UGT1A7: variants seen among roughly 807,000 people sequenced by gnomAD.
UGT1A7 encodes UDP-glucuronosyltransferase 1A7.
Under a neutral mutation model 45.6 loss-of-function variants are expected in UGT1A7, and 33 were observed. The observed-to-expected ratio is 0.72, with a 90% CI of 0.55 to 0.97. The LOEUF (loss-of-function observed/expected upper bound fraction) is 0.97, where lower values mean the gene tolerates loss of function less well. Among genes scored for constraint, UGT1A7 ranks in the 50% least tolerant of loss-of-function variants. The pLI is 0.00. For missense variants in UGT1A7, 684 were observed against 666.2 expected, an observed-to-expected ratio of 1.03 and a Z score of -0.29; for synonymous variants, 274 against 250.6, an observed-to-expected ratio of 1.09 and a Z score of -0.88.
chr2:233,728,977 G>T, intron 1 of UGT1A7: 2 of 1,494,572 alleles, frequency 1.3e-6, no homozygotes, highest in African/African-American at 2.8e-5. Context: ...ATAGATTAAT[G>T]GTTAATAATT....
intron 1 of UGT1A7, among the ~76,000 whole-genome samples, chr2:233,695,422 CCTT>C (rs34487948): frequency 0.29 from 43,778 of 150,946 alleles, 6,669 homozygotes; most frequent in South Asian, 0.38. Context: ...CCGCGCCCGG[CCTT>C]CTTCTTCTTC....
In UGT1A7 at chr2:233,768,425, C is replaced by T. The variant is rs1021872145; in HGVS notation, c.1281C>T (p.Val427=). Residue 427 remains valine, a synonymous_variant, in exon 4 of 5, where the codon GTC becomes GTT. Transcript: ENST00000373426. The part of the protein sequence containing the change: ...SEDLENALKA[V]INDKSYKENI... ...ATTTAGAAAATGCTCTAAAAGCAGT[C>T]ATCAATGACAAAAGGTAAGAAAGAA... 1.2e-6 allele frequency: 2 copies of T among 1,613,876 alleles called. No homozygotes were observed. The highest frequency in any genetic ancestry group is 1.7e-5 in the Admixed American group (1 of 59,984).
At chr2:233,748,187 T>C (rs919383057) in intron 1 of UGT1A7, 2 of 1,565,066 alleles carry the variant, frequency 1.3e-6, no homozygotes, top group African/African-American at 2.7e-5. Flanking sequence ...GGTGCTTTTA[T>C]TTCTGCTTGT....
At chr2:233,716,595 T>G (rs185923790) in intron 1 of UGT1A7, among the ~76,000 whole-genome samples, 46 of 152,352 alleles carry the variant, frequency 3.0e-4, no homozygotes, top group African/African-American at 1.1e-3. Context: ...GAGCAAAAAT[T>G]TTAGAATTTG....
chr2:233,682,815 C>A (rs1223109916), intron 1 of UGT1A7, 23 bp downstream of exon 1: 3 of 1,581,138 alleles, frequency 1.9e-6, no homozygotes, highest in Admixed American at 3.7e-5. Context: ...CCCTTTAGCA[C>A]ATTAAGAATA....
At chr2:233,742,375 GC>G (rs1691959490) in intron 1 of UGT1A7, among the ~76,000 whole-genome samples, 1 of 151,984 alleles carries the variant, frequency 6.6e-6, no homozygotes, top group Non-Finnish European at 1.5e-5. Flanking sequence ...TGTCCTTAAG[GC>G]ACAGATGGCT....
At chr2:233,727,741 T>C (rs1184923085) in intron 1 of UGT1A7, among the ~76,000 whole-genome samples, 1 of 152,232 alleles carries the variant, frequency 6.6e-6, no homozygotes, top group Non-Finnish European at 1.5e-5. Flanking sequence ...TGTGCCATCC[T>C]GCGTGTGCTG....
Position 233,769,688 on chromosome 2 carries a change from C to A in UGT1A7, c.1295+1249C>A, listed in dbSNP as rs1385163206. 2.6e-6 allele frequency: 4 copies of A among 1,552,874 alleles called. No homozygotes were observed. The African/African-American group carries it at 5.4e-5, about 21-fold the overall frequency. Reference sequence around the variant, plus strand: ...AGGTGCTAATGTGTGTGTGGTGGCACTGGATAAAAGATCAATGTTGGCTAG... The same window carrying A: ...AGGTGCTAATGTGTGTGTGGTGGCAATGGATAAAAGATCAATGTTGGCTAG... On this transcript the variant is annotated intron_variant, in intron 4 of 4. Coordinates refer to ENST00000373426, the MANE Select transcript of UGT1A7 (RefSeq NM_019077.3). This position sits in a 1 kb window ranked among gnomAD's most constrained non-coding sequence, Gnocchi z 4.4.
At chr2:233,770,765 A>G (rs962602628) in intron 4 of UGT1A7, 1 of 152,230 alleles carries the variant, frequency 6.6e-6, no homozygotes, top group Non-Finnish European at 1.5e-5. Context: ...ATTACATTAT[A>G]ATAATGTTTC....
intron 1 of UGT1A7, chr2:233,755,125 C>T (rs1380878187): frequency 3.0e-6 from 4 of 1,325,936 alleles, no homozygotes; most frequent in Non-Finnish European, 4.1e-6. Flanking sequence ...GCCTCAGCCA[C>T]CTGCTTGAAT....
chr2:233,743,538 C>T, intron 1 of UGT1A7: 1 of 1,367,252 alleles, frequency 7.3e-7, no homozygotes, highest in Non-Finnish European at 9.8e-7. Flanking sequence ...AGCAGTTCCT[C>T]TGACCCCCCC....
chr2:233,712,443 C>G (rs1223728357), intron 1 of UGT1A7, among the ~76,000 whole-genome samples: 1 of 152,142 alleles, frequency 6.6e-6, no homozygotes, highest in East Asian at 1.9e-4. Context: ...TGAAAAACGA[C>G]CAAAACCAGA....
At chr2:233,693,057 T>C (rs765274769) in intron 1 of UGT1A7, 1 of 1,614,190 alleles carries the variant, frequency 6.2e-7, no homozygotes, top group Non-Finnish European at 8.5e-7. Flanking sequence ...GTTTTCTTCT[T>C]AGCACTTTGG....
At chr2:233,693,500 CCA>C in intron 1 of UGT1A7, 1 of 1,614,174 alleles carries the variant, frequency 6.2e-7, no homozygotes, top group Non-Finnish European at 8.5e-7. Flanking sequence ...TTTGGGCCTA[CCA>C]TCTGTGTACC....
chr2:233,731,071 A>T (rs1317636951), intron 1 of UGT1A7, among the ~76,000 whole-genome samples: 1 of 151,958 alleles, frequency 6.6e-6, no homozygotes, highest in Admixed American at 6.6e-5. Flanking sequence ...CATGATTTAG[A>T]TCCTTTTGTA....
chr2:233,719,762 C>T, intron 1 of UGT1A7: 1 of 1,612,248 alleles, frequency 6.2e-7, no homozygotes, highest in Non-Finnish European at 8.5e-7. Context: ...CTTACAAGTG[C>T]TTCCATATCT....
chr2:233,691,239 T>C lies in UGT1A7; in HGVS notation c.855+8447T>C, dbSNP rs912539415. The C allele has an allele frequency of 2.5e-5, 25 of 985,440 alleles. No homozygotes were observed. The African/African-American group carries it at 2.8e-4, about 11-fold the overall frequency. The allele number at this position is 985,440 out of a possible 1,614,324, so 61.0% of individuals were successfully genotyped here. Reference sequence around the variant, plus strand: ...ACCTTCCTGGAGTCTTATTGCTATCTAGATGAACTCAAAGCAAGATGCTGC... The same window carrying C: ...ACCTTCCTGGAGTCTTATTGCTATCCAGATGAACTCAAAGCAAGATGCTGC... On this transcript the variant is annotated intron_variant, in intron 1 of 4. Transcript: ENST00000373426.
chr2:233,729,260 G>T (rs774974731), intron 1 of UGT1A7: 2 of 1,614,092 alleles, frequency 1.2e-6, no homozygotes, highest in East Asian at 2.2e-5. Flanking sequence ...CTCAGCATGC[G>T]GGAGGTCTTG....
At chr2:233,760,083 G>C (rs1163366183) in intron 1 of UGT1A7, among the ~76,000 whole-genome samples, 1 of 152,198 alleles carries the variant, frequency 6.6e-6, no homozygotes, top group Non-Finnish European at 1.5e-5. Context: ...ATTCCAGCCA[G>C]TTCAACTGTT....
Sources: gnomAD v4.1 joint callset for allele counts (sites outside exome capture counted in the v4.1 genomes callset) on GRCh38, gnomAD v4.1.1 for gene constraint, Gnocchi (gnomAD v3.1) non-coding constraint, MANE v1.5 for transcripts, NCBI Gene and HGNC (gene_info 2026-07-23, HGNC 2026-07-21) for gene names.